DENND1A: variants seen among roughly 807,000 people sequenced by gnomAD.
The protein encoded by DENND1A is DENN domain-containing protein 1A.
Under a neutral mutation model 113.7 loss-of-function variants are expected in DENND1A, and 51 were observed. The observed-to-expected ratio is 0.45, with a 90% CI of 0.36 to 0.57. DENND1A has a LOEUF of 0.57. DENND1A is among the 20% of genes least tolerant of loss of function. The probability of loss-of-function intolerance (pLI) is 0.00; values close to 1 mark genes in which losing one functional copy is unlikely to be tolerated. For missense variants in DENND1A, 1,258 were observed against 1,395.9 expected, an observed-to-expected ratio of 0.90 and a Z score of 1.57; for synonymous variants, 565 against 570.8, an observed-to-expected ratio of 0.99 and a Z score of 0.14.
At chr9:123,505,958 G>T (rs2052892045) in intron 13 of DENND1A, among the ~76,000 whole-genome samples, 1 of 151,910 alleles carries the variant, frequency 6.6e-6, no homozygotes, top group African/African-American at 2.4e-5. Flanking sequence ...CCTCTGTGCC[G>T]CTGCTCCTCA....
At chr9:123,566,679 C>A (rs963727029) in intron 12 of DENND1A, among the ~76,000 whole-genome samples, 4 of 152,062 alleles carry the variant, frequency 2.6e-5, no homozygotes, top group African/African-American at 9.7e-5. Context: ...GGCCTGTTTC[C>A]ACTATCTGCC....
chr9:123,416,424 C>T (rs572047984), intron 19 of DENND1A, among the ~76,000 whole-genome samples: 5 of 152,216 alleles, frequency 3.3e-5, no homozygotes, highest in Admixed American at 3.3e-4. Context: ...GTGCTCTTTC[C>T]ACCGCTGAAG....
intron 4 of DENND1A, 96 bp downstream of exon 4, chr9:123,769,418 T>C: frequency 2.6e-6 from 3 of 1,140,542 alleles, no homozygotes; most frequent in Non-Finnish European, 3.7e-6. Flanking sequence ...AAATCATGGT[T>C]AAACAGACAG....
At position 123,764,164 on chromosome 9, in the gene DENND1A, A is replaced by C. The variant is rs1048962368; in HGVS notation, c.182+5350T>G. On this transcript the variant is annotated intron_variant, in intron 4 of 23. Coordinates refer to ENST00000394215, the MANE Select transcript of DENND1A (RefSeq NM_001352964.2). The surrounding 1 kb of genome is among the most constrained non-coding windows in gnomAD (Gnocchi z 4.1). ...TCATCTGTAAATCATCAGAATAATC[A>C]CATCACTTTGCAGAGTGGTTGCAGA... Among the ~76,000 whole-genome samples, 11 of 152,310 alleles carry C rather than the reference A, an allele frequency of 7.2e-5. No individual in the cohort carries two copies. Among genetic ancestry groups the C allele is most frequent in the African/African-American group, 2.6e-4 (11 of 41,576 alleles).
chr9:123,523,591 T>G (rs1054691184), intron 13 of DENND1A, among the ~76,000 whole-genome samples: 14 of 152,190 alleles, frequency 9.2e-5, no homozygotes, highest in African/African-American at 3.4e-4. Context: ...AAACTGTACT[T>G]TCATACTGTA....
At chr9:123,681,122 G>T (rs2064422914) in intron 5 of DENND1A, among the ~76,000 whole-genome samples, 1 of 152,074 alleles carries the variant, frequency 6.6e-6, no homozygotes. Flanking sequence ...GGAGTCTCAT[G>T]GGGGAGGCCT....
At chr9:123,575,715 C>T (rs1478147774) in intron 12 of DENND1A, among the ~76,000 whole-genome samples, 1 of 152,166 alleles carries the variant, frequency 6.6e-6, no homozygotes, top group Non-Finnish European at 1.5e-5. Context: ...GCGATTAAGC[C>T]CCTTCTGGAC....
chr9:123,415,426 A>T (rs2044647377), intron 19 of DENND1A, among the ~76,000 whole-genome samples: 1 of 152,020 alleles, frequency 6.6e-6, no homozygotes, highest in African/African-American at 2.4e-5. Flanking sequence ...AAGACCCTCC[A>T]CCCTGGGGCT....
chr9:123,585,022 A>C (rs959922516), intron 11 of DENND1A, among the ~76,000 whole-genome samples: 1 of 152,218 alleles, frequency 6.6e-6, no homozygotes, highest in East Asian at 1.9e-4. Flanking sequence ...ATGGTACCTA[A>C]GTAAATATTT....
chr9:123,484,557 T>G (rs770642794), intron 13 of DENND1A, among the ~76,000 whole-genome samples: 8 of 152,178 alleles, frequency 5.3e-5, no homozygotes, highest in Non-Finnish European at 1.2e-4. Flanking sequence ...GTCTTTCCCC[T>G]GCATTTAGGA....
rs978024396 is a variant in DENND1A at position 123,422,724 on chromosome 9, C to T, written c.1489-10895G>A. Among the ~76,000 whole-genome samples, 4 of 152,172 alleles carry T rather than the reference C, an allele frequency of 2.6e-5. No homozygotes were observed. The highest frequency in any genetic ancestry group is 4.8e-5 in the African/African-American group (2 of 41,418). On this transcript the variant is annotated intron_variant, in intron 19 of 23. Coordinates refer to ENST00000394215, the MANE Select transcript of DENND1A (RefSeq NM_001352964.2). This position sits in a 1 kb window ranked among gnomAD's most constrained non-coding sequence, Gnocchi z 4.8. ...GGAATATGCGGCTCTCCAATTTGTA[C>T]GGACTGCACACAGCTCCCTGCAATG... is the stretch of plus-strand genomic sequence containing the variant.
chr9:123,518,528 C>T (rs1414702595), intron 13 of DENND1A, among the ~76,000 whole-genome samples: 1 of 152,168 alleles, frequency 6.6e-6, no homozygotes, highest in Non-Finnish European at 1.5e-5. Context: ...TCTGGCTCAG[C>T]TAAATGCTGT....
At chr9:123,620,244 GAAAAAGAA>G (rs1361402798) in intron 10 of DENND1A, among the ~76,000 whole-genome samples, 2 of 118,954 alleles carry the variant, frequency 1.7e-5, no homozygotes, top group Non-Finnish European at 3.5e-5. Flanking sequence ...AAAAAGAAAA[GAAAAAGAA>G]AAAAAGGAAA....
intron 2 of DENND1A, among the ~76,000 whole-genome samples, chr9:123,846,535 C>A (rs914762499): frequency 6.6e-6 from 1 of 152,290 alleles, no homozygotes; most frequent in Middle Eastern, 3.4e-3. Context: ...GAATGAAGTT[C>A]TGTACATACT....
chr9:123,394,494 C>T lies in DENND1A; in HGVS notation c.1632-6636G>A, dbSNP rs756211614. Among the ~76,000 whole-genome samples the T allele has an allele frequency of 4.2e-4, 64 of 152,152 alleles. 1 individual carries two copies. The highest frequency in any genetic ancestry group is 8.2e-4 in the Non-Finnish European group (56 of 68,022). On this transcript the variant is annotated intron_variant, in intron 21 of 23. Coordinates refer to ENST00000394215, the MANE Select transcript of DENND1A (RefSeq NM_001352964.2). ...AGGCCTTGGGGTGGCTGCAGTCAAGCAGGAAGCATGCCTGGCTGCCCATCC... is the reference window on the plus strand; with the variant it reads ...AGGCCTTGGGGTGGCTGCAGTCAAGTAGGAAGCATGCCTGGCTGCCCATCC...
intron 8 of DENND1A, among the ~76,000 whole-genome samples, chr9:123,655,289 T>C (rs1295524068): frequency 2.0e-5 from 3 of 152,120 alleles, no homozygotes; most frequent in Non-Finnish European, 2.9e-5. Context: ...CATCCAGCAG[T>C]TTGATGACAG....
At chr9:123,668,020 C>T (rs1469801837) in intron 7 of DENND1A, among the ~76,000 whole-genome samples, 1 of 152,142 alleles carries the variant, frequency 6.6e-6, no homozygotes, top group Non-Finnish European at 1.5e-5. Flanking sequence ...CCATATGCAA[C>T]AAGCATGCAT....
chr9:123,914,611 C>T (rs1010907944), intron 1 of DENND1A, among the ~76,000 whole-genome samples: 1 of 150,830 alleles, frequency 6.6e-6, no homozygotes, highest in Non-Finnish European at 1.5e-5. Flanking sequence ...GTTTAATTGG[C>T]TCATAGTTCT....
intron 13 of DENND1A, chr9:123,493,270 A>G (rs2051548349): frequency 6.6e-6 from 1 of 151,964 alleles, no homozygotes; most frequent in Non-Finnish European, 1.5e-5. Context: ...GGCAGGACAG[A>G]CCTCATCACC....
Sources: gnomAD v4.1 joint callset for allele counts (sites outside exome capture counted in the v4.1 genomes callset) on GRCh38, gnomAD v4.1.1 for gene constraint, Gnocchi (gnomAD v3.1) non-coding constraint, MANE v1.5 for transcripts, NCBI Gene and HGNC (gene_info 2026-07-23, HGNC 2026-07-21) for gene names.